POU2F1: variants seen among roughly 807,000 people sequenced by gnomAD.
POU2F1 encodes POU class 2 homeobox 1.
A neutral mutation model predicts 84.9 loss-of-function variants in POU2F1; 16 were observed. The observed-to-expected ratio is 0.19, with a 90% confidence interval of 0.13 to 0.29. POU2F1 has a LOEUF of 0.29. Ranked by LOEUF, POU2F1 falls within the 10% of genes least tolerant of loss-of-function variation. POU2F1 has a pLI of 1.00. For synonymous variants in POU2F1, 368 were observed against 368.3 expected, an observed-to-expected ratio of 1.00 and a Z score of 0.01; for missense variants, 738 against 942.6, an observed-to-expected ratio of 0.78 and a Z score of 2.84.
intron 2 of POU2F1, among the ~76,000 whole-genome samples, chr1:167,342,267 T>C (rs1657911546): frequency 6.6e-6 from 1 of 152,214 alleles, no homozygotes; most frequent in Non-Finnish European, 1.5e-5. Flanking sequence ...ATAGTATCAC[T>C]ATATTTCAGG....
At chr1:167,333,727 A>G (rs1459580050) in intron 2 of POU2F1, among the ~76,000 whole-genome samples, 1 of 152,200 alleles carries the variant, frequency 6.6e-6, no homozygotes, top group East Asian at 1.9e-4. Context: ...AGACTTCTGT[A>G]GTATCTCTTA....
intron 1 of POU2F1, among the ~76,000 whole-genome samples, chr1:167,265,927 A>T: frequency 6.6e-6 from 1 of 152,238 alleles, no homozygotes; most frequent in East Asian, 1.9e-4. Context: ...ATTTATGTCA[A>T]TGCTAAGCCT....
chr1:167,360,317 T>A (rs1172794101), intron 2 of POU2F1, among the ~76,000 whole-genome samples: 1 of 152,152 alleles, frequency 6.6e-6, no homozygotes, highest in African/African-American at 2.4e-5. Flanking sequence ...TCTTCTGGGG[T>A]TTTTACAGTT....
intron 1 of POU2F1, among the ~76,000 whole-genome samples, chr1:167,239,771 T>C (rs1649764057): frequency 1.3e-5 from 2 of 152,198 alleles, no homozygotes. Context: ...GTTGGGACAG[T>C]TGGCCGGCCA....
At chr1:167,280,873 A>G (rs4656536) in intron 1 of POU2F1, among the ~76,000 whole-genome samples, 93,717 of 152,056 alleles carry the variant, frequency 0.62, 30,731 homozygotes, top group East Asian at 0.87. Flanking sequence ...GTTTGTTACT[A>G]TGCTGTATTG....
chr1:167,264,241 C>T (rs1305904983), intron 1 of POU2F1, among the ~76,000 whole-genome samples: 1 of 151,500 alleles, frequency 6.6e-6, no homozygotes. Flanking sequence ...CATGCTGCCC[C>T]ATGTGATTAA....
intron 9 of POU2F1, 42 bp from the exon 10 acceptor site, chr1:167,396,244 C>CT: frequency 1.2e-6 from 2 of 1,607,052 alleles, no homozygotes; most frequent in Non-Finnish European, 1.7e-6. Flanking sequence ...TGAGATAACT[C>CT]TGTCTTTCCT....
intron 2 of POU2F1, among the ~76,000 whole-genome samples, chr1:167,340,431 CTTT>C (rs761386225): frequency 1.6e-5 from 2 of 122,316 alleles, no homozygotes. Context: ...TTCTTTTTTT[CTTT>C]TTTTTTTTTT....
chr1:167,376,147 G>A lies in POU2F1; in HGVS notation c.710G>A (p.Gly237Asp). Reference protein sequence around the residue: ...AQFIISQTPQGQQGLLQAQNL... With the variant: ...AQFIISQTPQDQQGLLQAQNL... ...TTTATCATCTCACAGACGCCCCAGG[G>A]CCAGCAGGGTGAGCTCCTCCTTAGA... The change falls in exon 7 of 16, where the codon GGC (glycine) becomes GAC (aspartate). Residue 237 changes from glycine to aspartate, a missense_variant. Coordinates refer to ENST00000367866, the MANE Select transcript of POU2F1 (RefSeq NM_002697.4). 1 of 1,614,194 alleles carries A rather than the reference G, an allele frequency of 6.2e-7. No individual in the cohort carries two copies. The highest frequency in any genetic ancestry group is 8.5e-7 in the Non-Finnish European group (1 of 1,180,020).
chr1:167,330,524 A>G (rs1657012910), intron 1 of POU2F1, among the ~76,000 whole-genome samples: 1 of 152,206 alleles, frequency 6.6e-6, no homozygotes, highest in Non-Finnish European at 1.5e-5. Context: ...TTTTTAACAC[A>G]TCATTTTAGA....
intron 1 of POU2F1, among the ~76,000 whole-genome samples, chr1:167,295,079 G>T (rs1033682191): frequency 6.6e-6 from 1 of 151,322 alleles, no homozygotes; most frequent in Non-Finnish European, 1.5e-5. Context: ...CCGAGATCAC[G>T]CCACTGCACT....
At chr1:167,282,449 T>G (rs1041108762) in intron 1 of POU2F1, among the ~76,000 whole-genome samples, 1 of 152,222 alleles carries the variant, frequency 6.6e-6, no homozygotes, top group African/African-American at 2.4e-5. Flanking sequence ...TGGCCAAAAA[T>G]TTTTAAATTT....
chr1:167,422,200 A>C lies in POU2F1; in HGVS notation c.*6390A>C, dbSNP rs765888552. On this transcript the variant is annotated 3_prime_UTR_variant, in exon 16 of 16. Coordinates refer to ENST00000367866, the MANE Select transcript of POU2F1 (RefSeq NM_002697.4). ...ATGATTCATTACCTCTGTACATAGC[A>C]AAAGCATAGGCAAAGGATGAATGCG... 1.3e-5 allele frequency: 2 copies of C among 152,248 alleles called. No individual in the cohort carries two copies. The highest frequency in any genetic ancestry group is 2.4e-5 in the African/African-American group (1 of 41,462). 9.4% of individuals were successfully genotyped at this position (152,248 alleles called of 1,614,324 possible).
At chr1:167,241,143 A>T (rs1248522381) in intron 1 of POU2F1, among the ~76,000 whole-genome samples, 1 of 152,076 alleles carries the variant, frequency 6.6e-6, no homozygotes, top group Non-Finnish European at 1.5e-5. Flanking sequence ...ACGCCATCTA[A>T]AAATAAATAA....
intron 6 of POU2F1, among the ~76,000 whole-genome samples, chr1:167,375,480 A>C (rs979377982): frequency 2.9e-4 from 44 of 152,336 alleles, no homozygotes; most frequent in African/African-American, 9.9e-4. Context: ...GTTAGGGATT[A>C]AATTTTTATA....
intron 13 of POU2F1, among the ~76,000 whole-genome samples, chr1:167,407,769 G>A (rs1268953655): frequency 1.3e-5 from 2 of 152,036 alleles, no homozygotes; most frequent in African/African-American, 2.4e-5. Flanking sequence ...TGGATCAAAG[G>A]CCTAAATATA....
At chr1:167,295,901 CTG>C (rs1395667452) in intron 1 of POU2F1, among the ~76,000 whole-genome samples, 6 of 152,030 alleles carry the variant, frequency 3.9e-5, no homozygotes, top group African/African-American at 1.4e-4. Flanking sequence ...AAGTAAGAGT[CTG>C]TGAATAGATG....
intron 1 of POU2F1, among the ~76,000 whole-genome samples, chr1:167,280,555 A>T (rs532624351): frequency 1.3e-5 from 2 of 152,314 alleles, no homozygotes; most frequent in East Asian, 3.9e-4. Flanking sequence ...GTTACCTTTA[A>T]AACGATAGGC....
intron 13 of POU2F1, 75 bp downstream of exon 13, chr1:167,401,631 T>A: frequency 2.2e-6 from 2 of 900,698 alleles, no homozygotes; most frequent in Non-Finnish European, 3.2e-6. Context: ...AGTCTACCAT[T>A]AAATTGTGAA....
Sources: allele counts gnomAD v4.1 joint callset (sites outside exome capture counted in the v4.1 genomes callset), GRCh38; gene constraint gnomAD v4.1.1; transcripts MANE v1.5; gene names NCBI Gene and HGNC (gene_info 2026-07-23, HGNC 2026-07-21).